Variants in SH3PXD2B observed in about 807,000 individuals in gnomAD.
SH3PXD2B encodes SH3 and PX domains 2B.
In SH3PXD2B, 37 loss-of-function variants were observed where a neutral mutation model predicts 73.1. That is an observed-to-expected ratio of 0.51 (90% CI 0.39 to 0.67). SH3PXD2B has a LOEUF of 0.67. Ranked by LOEUF, SH3PXD2B falls within the 30% of genes least tolerant of loss-of-function variation. The pLI is 0.00. For missense variants in SH3PXD2B, 1,053 were observed against 1,197.8 expected (o/e 0.88, Z 1.78); for synonymous variants, 457 against 480.5 (o/e 0.95, Z 0.64).
chr5:172,439,029 G>A (rs1313463477), intron 1 of SH3PXD2B, among the ~76,000 whole-genome samples: 2 of 150,986 alleles, frequency 1.3e-5, no homozygotes, highest in African/African-American at 2.4e-5. Context: ...ACCTGAGGTC[G>A]GGAGTTCGAG....
At chr5:172,420,374 A>C (rs1357420296) in intron 2 of SH3PXD2B, among the ~76,000 whole-genome samples, 1 of 152,206 alleles carries the variant, frequency 6.6e-6, no homozygotes, top group African/African-American at 2.4e-5. Flanking sequence ...GACTCTTGGC[A>C]GTTTGTTATG....
chr5:172,412,032 G>A (rs1758713050), intron 2 of SH3PXD2B, among the ~76,000 whole-genome samples: 1 of 151,982 alleles, frequency 6.6e-6, no homozygotes, highest in East Asian at 1.9e-4. Context: ...TCTGACTGCT[G>A]TAGCTACCTC....
At position 172,337,954 on chromosome 5, in the gene SH3PXD2B, A is replaced by G; in HGVS notation, c.*415T>C. The G allele has an allele frequency of 2.8e-6, 3 of 1,064,928 alleles. No individual in the cohort carries two copies. The highest frequency in any genetic ancestry group is 3.4e-6 in the Non-Finnish European group (3 of 879,516). The allele number at this position is 1,064,928 out of a possible 1,614,324, so 66.0% of individuals were successfully genotyped here. On this transcript the variant is annotated 3_prime_UTR_variant, in exon 13 of 13. Transcript: ENST00000311601. ...TGAAGAAGTTGGAGCAAAAGTCATC[A>G]TGGACTGGGTTGGCTGCCCCTTACT... is the stretch of plus-strand genomic sequence containing the variant.
chr5:172,336,272 G>A lies in SH3PXD2B; in HGVS notation c.*2097C>T. The A allele has an allele frequency of 2.0e-6, 2 of 985,512 alleles. No homozygotes were observed. The highest frequency in any genetic ancestry group is 3.5e-5 in the African/African-American group (2 of 57,388). The allele number at this position is 985,512 out of a possible 1,614,324, so 61.0% of individuals were successfully genotyped here. On this transcript the variant is annotated 3_prime_UTR_variant, in exon 13 of 13. Coordinates refer to ENST00000311601, the MANE Select transcript of SH3PXD2B (RefSeq NM_001017995.3). ...TCACAAAAGTTGTTTAAACCAAAGT[G>A]GATCAAGAACTCAGGAAAACTGCCA...
intron 2 of SH3PXD2B, among the ~76,000 whole-genome samples, chr5:172,414,925 C>T (rs994333124): frequency 1.3e-5 from 2 of 152,182 alleles, no homozygotes; most frequent in South Asian, 2.1e-4. Flanking sequence ...CTCCCCCATT[C>T]GGTGGAGGGG....
Position 172,347,297 on chromosome 5 carries a change from G to T in SH3PXD2B, c.1048C>A (p.Arg350=), listed in dbSNP as rs1311003368. ...GATCCACTTACAATGGTCATGTCCC[G>T]GCGAGGAGGGGGTCTCTGCCTCATC... is the stretch of plus-strand genomic sequence containing the variant. ...PKMRQRPPPR[R]DMTIPRGLNL... is the part of the protein sequence containing the mutation. Residue 350 remains arginine (R), a synonymous_variant, in exon 11 of 13, where the codon CGG becomes AGG. Coordinates refer to ENST00000311601, the MANE Select transcript of SH3PXD2B (RefSeq NM_001017995.3). The T allele has an allele frequency of 6.2e-7, 1 of 1,614,020 alleles. No homozygotes were observed. The highest frequency in any genetic ancestry group is 2.2e-5 in the East Asian group (1 of 44,890).
intron 4 of SH3PXD2B, 62 bp downstream of exon 4, chr5:172,394,501 A>G: frequency 1.3e-6 from 2 of 1,564,322 alleles, no homozygotes; most frequent in African/African-American, 1.3e-5. Context: ...TTGTAGCCAG[A>G]AAAAGAAAAG....
At chr5:172,428,209 T>C (rs548427337) in intron 1 of SH3PXD2B, among the ~76,000 whole-genome samples, 4 of 152,372 alleles carry the variant, frequency 2.6e-5, no homozygotes, top group South Asian at 2.1e-4. Context: ...ACAACTTCTA[T>C]GCAGAATACA....
intron 1 of SH3PXD2B, among the ~76,000 whole-genome samples, chr5:172,447,348 G>C (rs1759692752): frequency 6.6e-6 from 1 of 152,192 alleles, no homozygotes; most frequent in Non-Finnish European, 1.5e-5. Flanking sequence ...GCTTGTGATA[G>C]AAGATGGAAC....
intron 3 of SH3PXD2B, among the ~76,000 whole-genome samples, chr5:172,400,256 C>A (rs546547697): frequency 2.6e-5 from 4 of 152,172 alleles, no homozygotes; most frequent in African/African-American, 4.8e-5. Context: ...AAACTTTAAT[C>A]TCAGAAGACT....
intron 1 of SH3PXD2B, among the ~76,000 whole-genome samples, chr5:172,431,041 AT>A (rs1331246317): frequency 3.3e-5 from 5 of 151,888 alleles, no homozygotes; most frequent in Non-Finnish European, 7.4e-5. Context: ...TAATTTTTGT[AT>A]TTTTAATAGA....
At chr5:172,352,843 T>G (rs2113295551) in intron 9 of SH3PXD2B, among the ~76,000 whole-genome samples, 1 of 152,274 alleles carries the variant, frequency 6.6e-6, no homozygotes, top group Admixed American at 6.5e-5. Flanking sequence ...CTCTTTTTCT[T>G]CCCAGTCTGG....
intron 3 of SH3PXD2B, among the ~76,000 whole-genome samples, chr5:172,402,132 A>G (rs955281420): frequency 6.6e-6 from 1 of 152,168 alleles, no homozygotes; most frequent in African/African-American, 2.4e-5. Flanking sequence ...AAGAGAATGC[A>G]TTCCTAGGGG....
intron 1 of SH3PXD2B, among the ~76,000 whole-genome samples, chr5:172,434,643 A>T (rs561947088): frequency 6.6e-6 from 1 of 152,206 alleles, no homozygotes; most frequent in African/African-American, 2.4e-5. Context: ...TCCTTTACAA[A>T]TCTATTTGGT....
chr5:172,452,038 T>C (rs1013324815), intron 1 of SH3PXD2B, among the ~76,000 whole-genome samples: 2 of 152,192 alleles, frequency 1.3e-5, no homozygotes, highest in Non-Finnish European at 2.9e-5. Context: ...GACTTTGGCA[T>C]GTTCCCAATC....
downstream of SH3PXD2B, among the ~76,000 whole-genome samples, chr5:172,329,859 G>T (rs944427439): frequency 4.6e-5 from 7 of 152,090 alleles, no homozygotes; most frequent in Non-Finnish European, 8.8e-5. Context: ...CTTAAGAGGG[G>T]ATGAACCTGG....
chr5:172,338,389 A>G lies in SH3PXD2B; in HGVS notation c.2716T>C (p.Tyr906His). 1 of 1,614,132 alleles carries G rather than the reference A, an allele frequency of 6.2e-7. No individual in the cohort carries two copies. The highest frequency in any genetic ancestry group is 8.5e-7 in the Non-Finnish European group (1 of 1,180,034). ...PSWEGWIPSNYLRKKP is the reference protein window; with the variant it reads ...PSWEGWIPSNHLRKKP ...GTCGGCTACGGCTTCTTTCTGAGAT[A>G]GTTGGAAGGAATCCACCCTTCCCAG... The change falls in exon 13 of 13, where the codon TAT becomes CAT. Residue 906 changes from tyrosine (Y) to histidine (H), a missense_variant. By Grantham distance (83) the Tyr-to-His change is moderately conservative. Around this residue, in one of 2 missense-constraint regions of SH3PXD2B, gnomAD observed 587 missense variants for 590.7 expected, o/e 0.99. Transcript: ENST00000311601. The surrounding 1 kb of genome is among the most constrained non-coding windows in gnomAD (Gnocchi z 5.1).
intron 2 of SH3PXD2B, among the ~76,000 whole-genome samples, chr5:172,409,238 T>C (rs1321032782): frequency 6.6e-6 from 1 of 151,820 alleles, no homozygotes; most frequent in Admixed American, 6.6e-5. Context: ...AAAAATTAGC[T>C]GGGCGTGGTG....
At chr5:172,375,507 C>T (rs1757804070) in intron 5 of SH3PXD2B, among the ~76,000 whole-genome samples, 1 of 152,194 alleles carries the variant, frequency 6.6e-6, no homozygotes, top group Non-Finnish European at 1.5e-5. Context: ...TAGTCACTTC[C>T]CATTCCCCCT....
Sources: allele counts gnomAD v4.1 joint callset (sites outside exome capture counted in the v4.1 genomes callset), GRCh38; gene constraint gnomAD v4.1.1; regional missense constraint gnomAD v4.1.1; non-coding constraint Gnocchi (gnomAD v3.1); transcripts MANE v1.5; gene names NCBI Gene and HGNC (gene_info 2026-07-23, HGNC 2026-07-21).